Variants in UNC5D observed in about 807,000 individuals in gnomAD.
UNC5D encodes netrin receptor UNC5D.
In UNC5D, 39 loss-of-function variants were observed where a neutral mutation model predicts 105.4. The ratio of observed to expected loss-of-function variants is 0.37; its 90% CI spans 0.29 to 0.48. The LOEUF (loss-of-function observed/expected upper bound fraction) is 0.48. UNC5D is among the 20% of genes least tolerant of loss of function. The pLI is 0.98. For missense variants in UNC5D, 991 were observed against 1,202.4 expected (o/e 0.82, Z 2.60); for synonymous variants, 452 against 450.4 (o/e 1.00, Z -0.04).
intron 1 of UNC5D, among the ~76,000 whole-genome samples, chr8:35,536,504 T>C (rs1187881437): frequency 3.3e-5 from 5 of 152,198 alleles, no homozygotes; most frequent in Admixed American, 2.6e-4. Context: ...ATCCTCCACA[T>C]AAAGCATTAA....
At chr8:35,708,058 C>T (rs551495820) in intron 8 of UNC5D, among the ~76,000 whole-genome samples, 319 of 152,214 alleles carry the variant, frequency 2.1e-3, no homozygotes, top group Middle Eastern at 0.01. Context: ...TGTGAGACTA[C>T]ATGAATCATC....
At chr8:35,274,623 C>T (rs1191424840) in intron 1 of UNC5D, among the ~76,000 whole-genome samples, 1 of 152,136 alleles carries the variant, frequency 6.6e-6, no homozygotes, top group Non-Finnish European at 1.5e-5. Flanking sequence ...CCTTTGGTGG[C>T]AGACTTGGAT....
intron 1 of UNC5D, among the ~76,000 whole-genome samples, chr8:35,270,361 T>C (rs1402277065): frequency 1.3e-5 from 2 of 152,208 alleles, no homozygotes; most frequent in Non-Finnish European, 2.9e-5. Context: ...ACTACACTCA[T>C]GTAGCTGATT....
intron 1 of UNC5D, among the ~76,000 whole-genome samples, chr8:35,302,714 C>T (rs1808052325): frequency 6.6e-6 from 1 of 152,122 alleles, no homozygotes; most frequent in South Asian, 2.1e-4. Flanking sequence ...AAAAGAAAAA[C>T]TTACGGTATA....
chr8:35,623,964 C>T (rs1821529858), intron 4 of UNC5D, among the ~76,000 whole-genome samples: 1 of 151,976 alleles, frequency 6.6e-6, no homozygotes, highest in Admixed American at 6.6e-5. Context: ...CCTGTAGTCC[C>T]AGCTACTCTG....
At chr8:35,625,397 C>T (rs1288930281) in intron 4 of UNC5D, among the ~76,000 whole-genome samples, 2 of 152,136 alleles carry the variant, frequency 1.3e-5, no homozygotes, top group Non-Finnish European at 2.9e-5. Context: ...AAAATAATTT[C>T]TCTTCTGGGC....
intron 1 of UNC5D, among the ~76,000 whole-genome samples, chr8:35,399,261 G>A (rs114077183): frequency 0.018 from 2,678 of 151,812 alleles, 94 homozygotes; most frequent in African/African-American, 0.061. Flanking sequence ...AGATTTCTAG[G>A]AGCAAACCAA....
chr8:35,248,315 A>G lies in UNC5D; in HGVS notation c.103+12428A>G, dbSNP rs185135561. 7.5e-3 allele frequency among the ~76,000 whole-genome samples: 300 copies of G among 40,068 alleles called. 2 individuals are homozygous for G. The highest frequency in any genetic ancestry group is 0.026 in the East Asian group (10 of 380). The allele number at this position is 40,068 out of a possible 152,430, so 26.3% of individuals were successfully genotyped here. ...GTTATATAAAATATATAATATATAA[A>G]TATATGTTATATAAAATATATAATA... On this transcript the variant is annotated intron_variant, in intron 1 of 16. Transcript: ENST00000404895.
At chr8:35,287,456 A>T (rs1414706086) in intron 1 of UNC5D, among the ~76,000 whole-genome samples, 2 of 152,174 alleles carry the variant, frequency 1.3e-5, no homozygotes, top group African/African-American at 4.8e-5. Flanking sequence ...AATGAAAGTC[A>T]TAGTGATAAA....
intron 4 of UNC5D, among the ~76,000 whole-genome samples, chr8:35,670,374 A>G (rs553314457): frequency 1.1e-4 from 17 of 152,260 alleles, no homozygotes; most frequent in African/African-American, 4.1e-4. Flanking sequence ...TAAAGATGGC[A>G]TAATTTTGAT....
At chr8:35,407,753 A>G (rs1804902801) in intron 1 of UNC5D, among the ~76,000 whole-genome samples, 1 of 152,010 alleles carries the variant, frequency 6.6e-6, no homozygotes, top group Non-Finnish European at 1.5e-5. Flanking sequence ...ATATATTCTC[A>G]TCCTTTAGCT....
intron 4 of UNC5D, among the ~76,000 whole-genome samples, chr8:35,634,762 T>C (rs772747591): frequency 7.9e-5 from 12 of 152,018 alleles, no homozygotes; most frequent in Middle Eastern, 3.4e-3. Context: ...CTTTTCTTTT[T>C]TTTTTTTCTT....
intron 1 of UNC5D, among the ~76,000 whole-genome samples, chr8:35,419,342 T>C (rs908349582): frequency 6.6e-6 from 1 of 152,164 alleles, no homozygotes; most frequent in Non-Finnish European, 1.5e-5. Flanking sequence ...TCTTCCCACT[T>C]GGCCAAGCAG....
chr8:35,310,447 TTA>T (rs1396669937), intron 1 of UNC5D, among the ~76,000 whole-genome samples: 1 of 151,870 alleles, frequency 6.6e-6, no homozygotes, highest in Non-Finnish European at 1.5e-5. Context: ...TGGCGAAACC[TTA>T]TCTCTAATAA....
intron 1 of UNC5D, among the ~76,000 whole-genome samples, chr8:35,445,865 T>C (rs1807750740): frequency 6.6e-6 from 1 of 152,138 alleles, no homozygotes; most frequent in Admixed American, 6.6e-5. Context: ...GATCAAAAGT[T>C]ACTTTAGAAA....
intron 3 of UNC5D, among the ~76,000 whole-genome samples, chr8:35,578,490 A>G (rs1051941768): frequency 2.6e-5 from 4 of 152,174 alleles, no homozygotes; most frequent in African/African-American, 9.7e-5. Flanking sequence ...CTGAAGCATC[A>G]ATCATATTCC....
chr8:35,750,871 C>G, intron 13 of UNC5D, 62 bp downstream of exon 13: 1 of 1,591,014 alleles, frequency 6.3e-7, no homozygotes, highest in Non-Finnish European at 8.6e-7. Flanking sequence ...TCCAAAAGAT[C>G]AGTATCAATT....
chr8:35,547,590 C>G (rs1439158591), intron 1 of UNC5D, among the ~76,000 whole-genome samples: 1 of 152,188 alleles, frequency 6.6e-6, no homozygotes, highest in Admixed American at 6.5e-5. Flanking sequence ...TAAGCCACCG[C>G]GGCCAGTCAG....
intron 1 of UNC5D, among the ~76,000 whole-genome samples, chr8:35,334,184 GA>G (rs1810844924): frequency 6.6e-6 from 1 of 151,972 alleles, no homozygotes; most frequent in South Asian, 2.1e-4. Context: ...CCTAGACAAG[GA>G]AAAACTAACT....
Sources: gnomAD v4.1 joint callset for allele counts (sites outside exome capture counted in the v4.1 genomes callset) on GRCh38, gnomAD v4.1.1 for gene constraint, MANE v1.5 for transcripts, NCBI Gene and HGNC (gene_info 2026-07-23, HGNC 2026-07-21) for gene names.